Variants in GXYLT1 observed in about 807,000 individuals in gnomAD.
GXYLT1 encodes the protein glycosyltransferase 8 domain containing 3.
GXYLT1 carries 29 observed loss-of-function variants against 54.0 expected under a neutral mutation model. The ratio of observed to expected loss-of-function variants is 0.54; its 90% CI spans 0.40 to 0.73. The LOEUF (loss-of-function observed/expected upper bound fraction) is 0.73, where lower values mean the gene tolerates loss of function less well. Among genes scored for constraint, GXYLT1 ranks in the 30% least tolerant of loss-of-function variants. The probability of loss-of-function intolerance (pLI) is 0.00; values close to 1 mark genes in which losing one functional copy is unlikely to be tolerated. For synonymous variants in GXYLT1, 176 were observed against 204.1 expected (o/e 0.86, Z 1.17); for missense variants, 490 against 553.4 (o/e 0.89, Z 1.15).
chr12:42,098,784 T>TATATATATATATATATATA (rs1017764424), intron 5 of GXYLT1, among the ~76,000 whole-genome samples: 2 of 134,420 alleles, frequency 1.5e-5, no homozygotes, highest in East Asian at 4.2e-4. Context: ...TATATATATA[T>TATATATATATATATATATA]AATACATGTG....
In GXYLT1 at chr12:42,086,700, G is replaced by A. The variant is rs956278316; in HGVS notation, c.*1086C>T. 4.6e-5 allele frequency: 7 copies of A among 152,134 alleles called. No individual in the cohort carries two copies. The highest frequency in any genetic ancestry group is 1.4e-4 in the African/African-American group (6 of 41,434). 9.4% of individuals were successfully genotyped at this position (152,134 alleles called of 1,614,324 possible). ...CCCAATTAAAACCACATTTTCTACA[G>A]CTGGATGTAACAATCTTATTCCAAA... On this transcript the variant is annotated 3_prime_UTR_variant, in exon 8 of 8. Coordinates refer to ENST00000398675, the MANE Select transcript of GXYLT1 (RefSeq NM_173601.2).
intron 7 of GXYLT1, among the ~76,000 whole-genome samples, chr12:42,091,664 CTGAT>C (rs1011341285): frequency 6.6e-6 from 1 of 152,156 alleles, no homozygotes; most frequent in African/African-American, 2.4e-5. Context: ...CCATGATAAA[CTGAT>C]TGTTTAGAAG....
chr12:42,107,846 A>G (rs1247914531), intron 4 of GXYLT1, among the ~76,000 whole-genome samples: 1 of 152,218 alleles, frequency 6.6e-6, no homozygotes, highest in Non-Finnish European at 1.5e-5. Context: ...GAGTAGGAAG[A>G]AGCTACATAA....
At chr12:42,115,032 CAT>C (rs537097803) in intron 3 of GXYLT1, among the ~76,000 whole-genome samples, 168 of 152,322 alleles carry the variant, frequency 1.1e-3, no homozygotes, top group African/African-American at 3.7e-3. Context: ...ACAAAAACCA[CAT>C]GATTATCTCA....
chr12:42,121,268 A>C (rs898076412), intron 2 of GXYLT1, among the ~76,000 whole-genome samples: 1 of 152,222 alleles, frequency 6.6e-6, no homozygotes, highest in Non-Finnish European at 1.5e-5. Flanking sequence ...AGTAAGGCAT[A>C]ATAGTCATAT....
intron 2 of GXYLT1, among the ~76,000 whole-genome samples, chr12:42,120,094 T>C (rs2065521563): frequency 6.6e-6 from 1 of 152,168 alleles, no homozygotes; most frequent in Admixed American, 6.5e-5. Context: ...GAAAGATAGA[T>C]TTGAAGGTCT....
intron 2 of GXYLT1, among the ~76,000 whole-genome samples, chr12:42,129,451 G>T (rs996980025): frequency 6.6e-6 from 1 of 151,988 alleles, no homozygotes; most frequent in East Asian, 1.9e-4. Context: ...ATCTGTAAAC[G>T]TCAGTAGAAG....
intron 7 of GXYLT1, among the ~76,000 whole-genome samples, chr12:42,089,326 G>A (rs1226345702): frequency 3.9e-5 from 5 of 127,112 alleles, no homozygotes; most frequent in Admixed American, 1.8e-4. Context: ...ATCACACATC[G>A]GGAACTGTTG....
chr12:42,114,600 T>A lies in GXYLT1; in HGVS notation c.486+4400A>T, dbSNP rs151134524. Reference sequence around the variant, plus strand: ...ACCAGGAAGAAGTTGAATCTCTGAATAGACCAACAACAGGCTCTGAAATTG... The same window carrying A: ...ACCAGGAAGAAGTTGAATCTCTGAAAAGACCAACAACAGGCTCTGAAATTG... On this transcript the variant is annotated intron_variant, in intron 3 of 7. Transcript: ENST00000398675. 5.3e-3 allele frequency among the ~76,000 whole-genome samples: 814 copies of A among 152,242 alleles called. 5 individuals carry two copies. The highest frequency in any genetic ancestry group is 0.037 in the Middle Eastern group (11 of 294).
chr12:42,103,211 G>A (rs11613623), intron 5 of GXYLT1, among the ~76,000 whole-genome samples: 21,677 of 152,058 alleles, frequency 0.14, 1,679 homozygotes, highest in Non-Finnish European at 0.18. Context: ...CACCCACCTC[G>A]GTCTCCCAAA....
chr12:42,129,870 A>G lies in GXYLT1; in HGVS notation c.222-19T>C. On this transcript the variant is annotated intron_variant, in intron 1 of 7. Transcript: ENST00000398675. Reference sequence around the variant, plus strand: ...TTTACACCTAACAGAGTAAGACAGAAATAAGAGTCCTGTGTGAGTATTTTG... The same window carrying G: ...TTTACACCTAACAGAGTAAGACAGAGATAAGAGTCCTGTGTGAGTATTTTG... The G allele has an allele frequency of 1.3e-6, 2 of 1,512,376 alleles. No individual in the cohort carries two copies. The highest frequency in any genetic ancestry group is 1.8e-6 in the Non-Finnish European group (2 of 1,088,778). 93.7% of individuals were successfully genotyped at this position (1,512,376 alleles called of 1,614,324 possible).
chr12:42,124,153 T>A (rs1030117165), intron 2 of GXYLT1, among the ~76,000 whole-genome samples: 1 of 151,732 alleles, frequency 6.6e-6, no homozygotes, highest in Non-Finnish European at 1.5e-5. Flanking sequence ...TGAAAATATA[T>A]CTCTTAAAAC....
chr12:42,109,692 C>A lies in GXYLT1; in HGVS notation c.487-1G>T. 2.0e-6 allele frequency: 3 copies of A among 1,477,882 alleles called. No homozygotes were observed. Among genetic ancestry groups the A allele is most frequent in the Admixed American group, 2.1e-5 (1 of 46,904 alleles). The allele number at this position is 1,477,882 out of a possible 1,614,324, so 91.5% of individuals were successfully genotyped here. A position where few individuals can be genotyped will look rare whatever the true frequency, so the allele number is the denominator to read the frequency against. ...TTTGTAGAAATGACCAGTTGTCAAG[C>A]TAAAACAATTTAAAAAAAAACTGTT... is the stretch of plus-strand genomic sequence containing the variant. On this transcript the variant is annotated splice_acceptor_variant, in intron 3 of 7. Coordinates refer to ENST00000398675, the MANE Select transcript of GXYLT1 (RefSeq NM_173601.2). LOFTEE classifies it high-confidence loss of function.
chr12:42,085,570 T>G lies in GXYLT1; in HGVS notation c.*2216A>C, dbSNP rs564218350. 1 of 152,398 alleles carries G rather than the reference T, an allele frequency of 6.6e-6. No individual in the cohort carries two copies. Among genetic ancestry groups the G allele is most frequent in the East Asian group, 1.9e-4 (1 of 5,196 alleles). The allele number at this position is 152,398 out of a possible 1,614,324, so 9.4% of individuals were successfully genotyped here. On this transcript the variant is annotated 3_prime_UTR_variant, in exon 8 of 8. Coordinates refer to ENST00000398675, the MANE Select transcript of GXYLT1 (RefSeq NM_173601.2). The stretch of plus-strand genomic sequence containing the variant: ...GAATTGTGGTATCCTAACTTGAACT[T>G]TCAAGTTGGCAAAATAATTTCCAGT...
At chr12:42,098,333 C>T (rs1314239790) in intron 5 of GXYLT1, among the ~76,000 whole-genome samples, 4 of 152,070 alleles carry the variant, frequency 2.6e-5, no homozygotes, top group Non-Finnish European at 2.9e-5. Context: ...TCTGGGCCTA[C>T]GTCAGAGTTG....
chr12:42,108,903 T>C (rs1039156058), intron 4 of GXYLT1, among the ~76,000 whole-genome samples: 1 of 152,108 alleles, frequency 6.6e-6, no homozygotes, highest in African/African-American at 2.4e-5. Context: ...TATTTAAATA[T>C]CATAATGGTC....
chr12:42,144,664 T>C lies in GXYLT1; in HGVS notation c.-18A>G. The C allele has an allele frequency of 8.2e-7, 1 of 1,219,458 alleles. No individual in the cohort carries two copies. The highest frequency in any genetic ancestry group is 1.1e-6 in the Non-Finnish European group (1 of 909,656). 75.5% of individuals were successfully genotyped at this position (1,219,458 alleles called of 1,614,324 possible). A position where few individuals can be genotyped will look rare whatever the true frequency, so the allele number is the denominator to read the frequency against. On this transcript the variant is annotated 5_prime_UTR_variant, in exon 1 of 8. Transcript: ENST00000398675. ...CGCCGCATCGCCCCGGCCGCGCTCCTCCTTCGCCGCCGCCGCCGCGCCCGC... is the reference window on the plus strand; with the variant it reads ...CGCCGCATCGCCCCGGCCGCGCTCCCCCTTCGCCGCCGCCGCCGCGCCCGC...
At chr12:42,101,562 T>C (rs146152632) in intron 5 of GXYLT1, among the ~76,000 whole-genome samples, 1 of 151,258 alleles carries the variant, frequency 6.6e-6, no homozygotes, top group East Asian at 1.9e-4. Flanking sequence ...ACACCTATGC[T>C]TGTTTCAAAA....
chr12:42,096,041 G>A (rs901385119), intron 7 of GXYLT1, among the ~76,000 whole-genome samples: 1 of 152,160 alleles, frequency 6.6e-6, no homozygotes, highest in Non-Finnish European at 1.5e-5. Flanking sequence ...ATGACAAAAT[G>A]TGTTGATGAC....
Sources: gnomAD v4.1 joint callset for allele counts (sites outside exome capture counted in the v4.1 genomes callset) on GRCh38, gnomAD v4.1.1 for gene constraint, MANE v1.5 for transcripts, NCBI Gene and HGNC (gene_info 2026-07-23, HGNC 2026-07-21) for gene names.